The following UNC5D variants were observed in gnomAD, a reference collection of about 807,000 sequenced individuals.
The protein encoded by UNC5D is unc-5 netrin receptor D.
UNC5D carries 39 observed loss-of-function variants against 105.4 expected under a neutral mutation model. The observed-to-expected ratio is 0.37, with a 90% CI of 0.29 to 0.48. The LOEUF (loss-of-function observed/expected upper bound fraction) is 0.48. Ranked by LOEUF, UNC5D falls within the 20% of genes least tolerant of loss-of-function variation. UNC5D has a pLI of 0.98. For missense variants in UNC5D, 991 were observed against 1,202.4 expected (o/e 0.82, Z 2.60); for synonymous variants, 452 against 450.4 (o/e 1.00, Z -0.04).
chr8:35,522,898 T>C (rs1183218417), intron 1 of UNC5D, among the ~76,000 whole-genome samples: 1 of 152,158 alleles, frequency 6.6e-6, no homozygotes, highest in East Asian at 1.9e-4. Flanking sequence ...CAACATAATA[T>C]GATTTGTACC....
chr8:35,319,099 G>T (rs1809518623), intron 1 of UNC5D, among the ~76,000 whole-genome samples: 1 of 152,074 alleles, frequency 6.6e-6, no homozygotes, highest in South Asian at 2.1e-4. Context: ...TGTGTGAAGT[G>T]CATGGAGCTG....
At chr8:35,613,435 A>T (rs1028941968) in intron 4 of UNC5D, among the ~76,000 whole-genome samples, 38 of 152,204 alleles carry the variant, frequency 2.5e-4, no homozygotes, top group African/African-American at 9.2e-4. Context: ...GTGTGTTTCA[A>T]CATTATTTCT....
At chr8:35,496,984 A>G (rs943705048) in intron 1 of UNC5D, among the ~76,000 whole-genome samples, 1 of 152,194 alleles carries the variant, frequency 6.6e-6, no homozygotes, top group South Asian at 2.1e-4. Context: ...AGGCCCCTAT[A>G]ACAAAGATAG....
chr8:35,489,971 G>T (rs1352278580), intron 1 of UNC5D, among the ~76,000 whole-genome samples: 1 of 152,132 alleles, frequency 6.6e-6, no homozygotes, highest in Non-Finnish European at 1.5e-5. Flanking sequence ...TCTATGCTTA[G>T]TAAATATCAT....
intron 1 of UNC5D, chr8:35,254,907 C>T (rs1803966629): frequency 6.6e-6 from 1 of 152,052 alleles, no homozygotes; most frequent in Non-Finnish European, 1.5e-5. Context: ...ATGAAAAAAT[C>T]AAAGAAGCAA....
intron 1 of UNC5D, among the ~76,000 whole-genome samples, chr8:35,432,839 G>C (rs932520709): frequency 6.6e-6 from 1 of 152,040 alleles, no homozygotes; most frequent in African/African-American, 2.4e-5. Flanking sequence ...TATCACTTTC[G>C]AGGCCAAGGC....
rs1350848275 is a variant in UNC5D at position 35,793,091 on chromosome 8, T to G, written c.*2528T>G. The G allele has an allele frequency of 4.4e-6, 2 of 453,632 alleles. No individual in the cohort carries two copies. The highest frequency in any genetic ancestry group is 8.9e-6 in the Non-Finnish European group (2 of 225,968). 28.1% of individuals were successfully genotyped at this position (453,632 alleles called of 1,614,324 possible). On this transcript the variant is annotated 3_prime_UTR_variant, in exon 17 of 17. Coordinates refer to ENST00000404895, the MANE Select transcript of UNC5D (RefSeq NM_080872.4). Reference sequence around the variant, plus strand: ...GCCTAAGATTCAATCAAATTCATCCTTCAGCCTGTCTTGTTTCTTCTTTAT... The same window carrying G: ...GCCTAAGATTCAATCAAATTCATCCGTCAGCCTGTCTTGTTTCTTCTTTAT...
intron 11 of UNC5D, among the ~76,000 whole-genome samples, chr8:35,742,832 G>C (rs536860041): frequency 6.6e-6 from 1 of 152,336 alleles, no homozygotes; most frequent in Non-Finnish European, 1.5e-5. Flanking sequence ...CTTGTGTGCA[G>C]ATGGGTGCTG....
chr8:35,310,167 A>G (rs1439412020), intron 1 of UNC5D, among the ~76,000 whole-genome samples: 1 of 152,108 alleles, frequency 6.6e-6, no homozygotes, highest in Non-Finnish European at 1.5e-5. Context: ...TTATTTTCTA[A>G]TTTTGTTTAT....
chr8:35,407,189 A>T (rs1804860102), intron 1 of UNC5D, among the ~76,000 whole-genome samples: 1 of 152,142 alleles, frequency 6.6e-6, no homozygotes, highest in South Asian at 2.1e-4. Context: ...AATAGGCTAT[A>T]CCATGCAGCC....
chr8:35,305,635 C>A (rs1168902889), intron 1 of UNC5D, among the ~76,000 whole-genome samples: 1 of 91,344 alleles, frequency 1.1e-5, no homozygotes, highest in Non-Finnish European at 2.2e-5. Flanking sequence ...TTCTTTCTCT[C>A]TCTCTCTTCT....
intron 2 of UNC5D, among the ~76,000 whole-genome samples, chr8:35,558,367 C>G (rs1032091969): frequency 6.6e-6 from 1 of 151,736 alleles, no homozygotes; most frequent in African/African-American, 2.4e-5. Flanking sequence ...ATAATAGTAA[C>G]ACAATGTTAA....
At chr8:35,436,184 T>A in intron 1 of UNC5D, among the ~76,000 whole-genome samples, 1 of 152,066 alleles carries the variant, frequency 6.6e-6, no homozygotes, top group East Asian at 1.9e-4. Flanking sequence ...ACATAATTTG[T>A]AAATTTTGCA....
At chr8:35,687,921 G>A (rs1345419433) in intron 7 of UNC5D, among the ~76,000 whole-genome samples, 1 of 152,018 alleles carries the variant, frequency 6.6e-6, no homozygotes, top group Non-Finnish European at 1.5e-5. Flanking sequence ...ACGAGGTCAG[G>A]TGATCGAGAC....
At chr8:35,337,794 G>A (rs1337284530) in intron 1 of UNC5D, among the ~76,000 whole-genome samples, 1 of 150,424 alleles carries the variant, frequency 6.6e-6, no homozygotes, top group Admixed American at 6.6e-5. Flanking sequence ...GAAGTCAATT[G>A]TTGGTTTAAT....
chr8:35,401,079 A>G (rs1226192610), intron 1 of UNC5D, among the ~76,000 whole-genome samples: 2 of 152,202 alleles, frequency 1.3e-5, no homozygotes, highest in Non-Finnish European at 2.9e-5. Flanking sequence ...AGCCTAGAGT[A>G]ACTATAGTCC....
intron 1 of UNC5D, among the ~76,000 whole-genome samples, chr8:35,392,648 C>T (rs1290062863): frequency 1.3e-5 from 2 of 152,166 alleles, no homozygotes; most frequent in African/African-American, 4.8e-5. Context: ...AGATACTCTA[C>T]CCATTACAAA....
At chr8:35,469,108 AC>A (rs1331315482) in intron 1 of UNC5D, among the ~76,000 whole-genome samples, 2 of 152,222 alleles carry the variant, frequency 1.3e-5, no homozygotes, top group African/African-American at 4.8e-5. Flanking sequence ...GGAGGCATCA[AC>A]CTATTCTCAT....
chr8:35,588,255 G>C (rs901374078), intron 3 of UNC5D, among the ~76,000 whole-genome samples: 1 of 151,910 alleles, frequency 6.6e-6, no homozygotes, highest in African/African-American at 2.4e-5. Flanking sequence ...GTCCTCATGT[G>C]ATATGAAAAC....
Sources: gnomAD v4.1 joint callset for allele counts (sites outside exome capture counted in the v4.1 genomes callset) on GRCh38, gnomAD v4.1.1 for gene constraint, MANE v1.5 for transcripts, NCBI Gene and HGNC (gene_info 2026-07-23, HGNC 2026-07-21) for gene names.